The following VWA8 variants were observed in gnomAD, a reference collection of about 807,000 sequenced individuals.
VWA8 encodes the protein von Willebrand factor A domain-containing protein 8.
In VWA8, 221 loss-of-function variants were observed where a neutral mutation model predicts 241.5. The ratio of observed to expected loss-of-function variants is 0.91; its 90% CI spans 0.82 to 1.02. The LOEUF is 1.02. Ranked by LOEUF, VWA8 falls within the 50% of genes least tolerant of loss-of-function variation. The pLI is 0.00. For missense variants in VWA8, 2,322 were observed against 2,328.7 expected (o/e 1.00, Z 0.06); for synonymous variants, 852 against 827.1 (o/e 1.03, Z -0.52).
intron 37 of VWA8, among the ~76,000 whole-genome samples, chr13:41,640,968 A>T (rs200559227): frequency 1.3e-5 from 2 of 149,070 alleles, no homozygotes; most frequent in Admixed American, 6.7e-5. Flanking sequence ...AGGATGAGAT[A>T]AAAAAAAAAC....
In VWA8 at chr13:41,876,423, A is replaced by G. The variant is rs1358561086; in HGVS notation, c.1080+6964T>C. 7.9e-5 allele frequency among the ~76,000 whole-genome samples: 12 copies of G among 152,138 alleles called. No homozygotes were observed. The East Asian group carries it at 2.3e-3, about 29-fold the overall frequency. ...ATACATTGTCCTTTGCTTTTCCTACAGTTCCCAGGTGTGCTCCTGCCTCAG... is the reference window on the plus strand; with the variant it reads ...ATACATTGTCCTTTGCTTTTCCTACGGTTCCCAGGTGTGCTCCTGCCTCAG... On this transcript the variant is annotated intron_variant, in intron 9 of 44. Coordinates refer to ENST00000379310, the MANE Select transcript of VWA8 (RefSeq NM_015058.2).
chr13:41,669,095 G>C lies in VWA8; in HGVS notation c.4611+1851C>G, dbSNP rs144239338. The stretch of plus-strand genomic sequence containing the variant: ...CAATTCTTGTGCCTCAGCCTCCCAA[G>C]TAGCTGGGATTACAGGCATGTGCCA... On this transcript the variant is annotated intron_variant, in intron 37 of 44. Coordinates refer to ENST00000379310, the MANE Select transcript of VWA8 (RefSeq NM_015058.2). 5.3e-3 allele frequency among the ~76,000 whole-genome samples: 807 copies of C among 152,202 alleles called. 5 individuals are homozygous for C. The highest frequency in any genetic ancestry group is 0.018 in the African/African-American group (768 of 41,520).
chr13:41,571,296 G>C (rs71425023), intron 43 of VWA8, among the ~76,000 whole-genome samples: 8 of 137,762 alleles, frequency 5.8e-5, no homozygotes, highest in South Asian at 2.4e-4. Context: ...TCCCTCTCCC[G>C]TCTCCCTCTC....
At chr13:41,897,348 A>G (rs560328092) in intron 4 of VWA8, among the ~76,000 whole-genome samples, 1 of 152,344 alleles carries the variant, frequency 6.6e-6, no homozygotes, top group East Asian at 1.9e-4. Flanking sequence ...GAAAACCACA[A>G]TGAGACCTCT....
intron 42 of VWA8, among the ~76,000 whole-genome samples, chr13:41,576,784 C>A (rs115637804): frequency 0.014 from 2,137 of 152,326 alleles, 52 homozygotes; most frequent in African/African-American, 0.049. Flanking sequence ...AAAGCCAGGG[C>A]CAAATTTCAA....
chr13:41,704,864 T>C (rs991021432), intron 26 of VWA8, among the ~76,000 whole-genome samples: 27 of 152,218 alleles, frequency 1.8e-4, no homozygotes, highest in Non-Finnish European at 3.5e-4. Context: ...TTAAAAGCTC[T>C]TTAAAAATAA....
Position 41,719,608 on chromosome 13 carries a change from A to C in VWA8, c.3099T>G (p.Ser1033Arg). Reference protein sequence around the residue: ...YGIPIGAKPTSVQLAKELTLP... With the variant: ...YGIPIGAKPTRVQLAKELTLP... ...TGCCTTACTCCTTTGCCAGCTGCAC[A>C]CTGGTAGGCTTTGCTCCGATAGGTA... Residue 1033 changes from serine (S) to arginine (R), a missense_variant, in exon 26 of 45, where the codon AGT becomes AGG. Coordinates refer to ENST00000379310, the MANE Select transcript of VWA8 (RefSeq NM_015058.2). 1 of 1,613,062 alleles carries C rather than the reference A, an allele frequency of 6.2e-7. No individual in the cohort carries two copies. Among genetic ancestry groups the C allele is most frequent in the Non-Finnish European group, 8.5e-7 (1 of 1,179,278 alleles).
At chr13:41,644,196 AC>A (rs1269832465) in intron 37 of VWA8, among the ~76,000 whole-genome samples, 2 of 150,342 alleles carry the variant, frequency 1.3e-5, no homozygotes, top group East Asian at 3.9e-4. Context: ...GCTTGGAAGA[AC>A]CCTTGGCTCT....
intron 27 of VWA8, among the ~76,000 whole-genome samples, chr13:41,702,443 G>C (rs946779871): frequency 2.6e-5 from 4 of 152,236 alleles, no homozygotes; most frequent in Non-Finnish European, 4.4e-5. Flanking sequence ...TCTTCCTGCA[G>C]TGATAGCAGA....
intron 17 of VWA8, among the ~76,000 whole-genome samples, chr13:41,801,105 C>T (rs1404307707): frequency 6.6e-6 from 1 of 151,642 alleles, no homozygotes; most frequent in African/African-American, 2.4e-5. Flanking sequence ...TTTTTAATTT[C>T]TTAGATCAAC....
In VWA8 at chr13:41,886,845, A is replaced by C; in HGVS notation, c.817-15T>G. 6.5e-7 allele frequency: 1 copy of C among 1,545,788 alleles called. No homozygotes were observed. Among genetic ancestry groups the C allele is most frequent in the Non-Finnish European group, 8.8e-7 (1 of 1,140,244 alleles). ...TTAAGTTGGTCCTAAAGTAATACAG[A>C]AACATATTAAATTAATTAACAAGAA... On this transcript the variant is annotated splice_polypyrimidine_tract_variant and intron_variant, in intron 6 of 44. Coordinates refer to ENST00000379310, the MANE Select transcript of VWA8 (RefSeq NM_015058.2).
intron 20 of VWA8, among the ~76,000 whole-genome samples, chr13:41,768,390 A>G (rs1014626349): frequency 6.6e-6 from 1 of 152,234 alleles, no homozygotes; most frequent in Non-Finnish European, 1.5e-5. Context: ...TGGTGTCTCA[A>G]TATTAAATAA....
In VWA8 at chr13:41,625,937, G is replaced by A. The variant is rs559483307; in HGVS notation, c.4612-10853C>T. ...ATGATTTCATGTCCTTTGTAGGGACGTGGATGAAGCTGGAAACCATCATTC... is the reference window on the plus strand; with the variant it reads ...ATGATTTCATGTCCTTTGTAGGGACATGGATGAAGCTGGAAACCATCATTC... On this transcript the variant is annotated intron_variant, in intron 37 of 44. Transcript: ENST00000379310. Among the ~76,000 whole-genome samples the A allele has an allele frequency of 3.8e-3, 573 of 149,172 alleles. 4 individuals carry two copies. The highest frequency in any genetic ancestry group is 0.018 in the South Asian group (81 of 4,618).
At chr13:41,835,819 T>A (rs1871698216) in intron 12 of VWA8, among the ~76,000 whole-genome samples, 1 of 152,016 alleles carries the variant, frequency 6.6e-6, no homozygotes, top group South Asian at 2.1e-4. Context: ...ACAGATAAAT[T>A]TAAAGAAAAC....
intron 4 of VWA8, among the ~76,000 whole-genome samples, chr13:41,892,377 C>G (rs769933927): frequency 7.2e-5 from 11 of 152,196 alleles, no homozygotes; most frequent in Non-Finnish European, 1.2e-4. Flanking sequence ...CAACCACAGA[C>G]AGAGGATTAA....
intron 37 of VWA8, among the ~76,000 whole-genome samples, chr13:41,617,797 T>C (rs533492237): frequency 2.6e-5 from 4 of 151,918 alleles, no homozygotes; most frequent in East Asian, 1.9e-4. Flanking sequence ...GCTTCATCCA[T>C]GTCCCTACAA....
In VWA8 at chr13:41,907,665, G is replaced by T. The variant is rs755097912; in HGVS notation, c.404C>A (p.Ala135Asp). 2.5e-6 allele frequency: 4 copies of T among 1,614,124 alleles called. No homozygotes were observed. In the Admixed American group the frequency reaches 6.7e-5, roughly 27 times the overall value. Residue 135 changes from alanine to aspartate, a missense_variant, in exon 4 of 45, where the codon GCC becomes GAC. Coordinates refer to ENST00000379310, the MANE Select transcript of VWA8 (RefSeq NM_015058.2). The part of the protein sequence containing the change: ...ELTKREVEYI[A>D]LSRDTTETDL... ...AGTTTCAGTGGTGTCCCTTGACAGG[G>T]CAATGTATTCGACCTCCCGTTTGGT...
At chr13:41,881,370 GCC>G (rs1491463690) in intron 9 of VWA8, among the ~76,000 whole-genome samples, 1 of 23,784 alleles carries the variant, frequency 4.2e-5, no homozygotes, top group African/African-American at 1.4e-4. Flanking sequence ...GTTTTTTTTT[GCC>G]GGGGGGGGGG....
At chr13:41,925,313 T>C (rs1876779036) in intron 2 of VWA8, among the ~76,000 whole-genome samples, 1 of 152,216 alleles carries the variant, frequency 6.6e-6, no homozygotes, top group Non-Finnish European at 1.5e-5. Flanking sequence ...TATGAGTACA[T>C]ATTGAAGTAT....
Sources: gnomAD v4.1 joint callset for allele counts (sites outside exome capture counted in the v4.1 genomes callset) on GRCh38, gnomAD v4.1.1 for gene constraint, MANE v1.5 for transcripts, NCBI Gene and HGNC (gene_info 2026-07-23, HGNC 2026-07-21) for gene names.